LY75: variants seen among roughly 807,000 people sequenced by gnomAD.
The protein encoded by LY75 is lymphocyte antigen 75, also known as C-type lectin domain family 13 member B.
A neutral mutation model predicts 231.7 loss-of-function variants in LY75; 185 were observed. That is an observed-to-expected ratio of 0.80 (90% CI 0.71 to 0.90). The LOEUF (loss-of-function observed/expected upper bound fraction) is 0.90, where lower values mean the gene tolerates loss of function less well. LY75 is among the 40% of genes least tolerant of loss of function. The pLI, the probability that LY75 is intolerant of heterozygous loss-of-function variation, is 0.00. For missense variants in LY75, 1,947 were observed against 2,050.2 expected, an observed-to-expected ratio of 0.95 and a Z score of 0.97; for synonymous variants, 668 against 689.0, an observed-to-expected ratio of 0.97 and a Z score of 0.48.
At chr2:159,885,382 T>G in intron 5 of LY75, 89 bp from the exon 6 acceptor site, 1 of 1,509,084 alleles carries the variant, frequency 6.6e-7, no homozygotes, top group South Asian at 1.4e-5. Flanking sequence ...CCTAATTTTA[T>G]GCTTTTATGG....
chr2:159,881,108 G>C lies in LY75; in HGVS notation c.1379C>G (p.Pro460Arg). 2 of 1,613,748 alleles carry C rather than the reference G, an allele frequency of 1.2e-6. No homozygotes were observed. Among genetic ancestry groups the C allele is most frequent in the South Asian group, 1.1e-5 (1 of 91,064 alleles). The change falls in exon 8 of 35, where the codon CCC becomes CGC. Residue 460 changes from proline to arginine, a missense_variant. Pro to Arg is a moderately radical substitution (Grantham distance 103). Transcript: ENST00000263636. The stretch of plus-strand genomic sequence containing the variant: ...CTCTCCTAAGTAGGAAACACAGTTG[G>C]GCGTCTTATTGTAGGGAACATTTGG... ...NEPNVPYNKT[P>R]NCVSYLGELG... is the part of the protein sequence containing the mutation.
At chr2:159,892,465 T>C (rs1685788302) in intron 3 of LY75, among the ~76,000 whole-genome samples, 1 of 152,182 alleles carries the variant, frequency 6.6e-6, no homozygotes, top group African/African-American at 2.4e-5. Context: ...AAAATGGGGA[T>C]AAAGTATGGT....
intron 5 of LY75, among the ~76,000 whole-genome samples, chr2:159,885,617 A>G (rs1349986214): frequency 1.3e-5 from 2 of 152,206 alleles, no homozygotes; most frequent in African/African-American, 4.8e-5. Context: ...TAAAATAAAA[A>G]TATTAATTTA....
At chr2:159,903,403 T>C (rs1002535068) in intron 1 of LY75, 13 of 152,202 alleles carry the variant, frequency 8.5e-5, no homozygotes, top group African/African-American at 3.1e-4. Flanking sequence ...GAATAAATTA[T>C]CAAGGCAATA....
At chr2:159,848,671 G>C (rs13426394) in intron 23 of LY75, among the ~76,000 whole-genome samples, 7,192 of 152,162 alleles carry the variant, frequency 0.047, 520 homozygotes, top group African/African-American at 0.16. Context: ...CAAGAAAACA[G>C]TGTATGGAAA....
intron 28 of LY75, among the ~76,000 whole-genome samples, 196 bp from the exon 29 acceptor site, chr2:159,820,116 A>G (rs1683243961): frequency 6.6e-6 from 1 of 152,236 alleles, no homozygotes; most frequent in Non-Finnish European, 1.5e-5. Flanking sequence ...GAATATAAAT[A>G]CAAACTATAA....
At chr2:159,838,177 T>C (rs2125845283) in intron 25 of LY75, among the ~76,000 whole-genome samples, 1 of 152,332 alleles carries the variant, frequency 6.6e-6, no homozygotes, top group Non-Finnish European at 1.5e-5. Flanking sequence ...TAAAGTCTTA[T>C]ATTGCCACTA....
chr2:159,879,532 G>T (rs1320204756), intron 8 of LY75, 163 bp from the exon 9 acceptor site: 9 of 505,170 alleles, frequency 1.8e-5, no homozygotes, highest in Non-Finnish European at 2.3e-5. Flanking sequence ...CAACAGGCCT[G>T]CAAAGTGATG....
chr2:159,852,431 T>C, intron 20 of LY75, 91 bp from the exon 21 acceptor site: 1 of 1,521,524 alleles, frequency 6.6e-7, no homozygotes. Flanking sequence ...TGTTTTTTTT[T>C]TTTTGAGACA....
intron 16 of LY75, among the ~76,000 whole-genome samples, chr2:159,855,149 G>A (rs576842160): frequency 9.9e-5 from 15 of 152,254 alleles, no homozygotes; most frequent in African/African-American, 3.1e-4. Flanking sequence ...AGGCAGATAC[G>A]TTAAATATTA....
intron 12 of LY75, among the ~76,000 whole-genome samples, chr2:159,874,234 AAT>A (rs1242761962): frequency 1.0e-3 from 23 of 21,906 alleles, no homozygotes; most frequent in African/African-American, 2.1e-3. Flanking sequence ...ATATATTGTA[AAT>A]ATATATATTG....
At chr2:159,853,737 G>A (rs1207733257) in intron 18 of LY75, 40 bp from the exon 19 acceptor site, 1 of 1,611,600 alleles carries the variant, frequency 6.2e-7, no homozygotes, top group African/African-American at 1.3e-5. Flanking sequence ...TATGTGCTGA[G>A]CTTTCTTGAG....
chr2:159,838,475 C>A (rs1683903575), intron 25 of LY75, among the ~76,000 whole-genome samples: 1 of 152,116 alleles, frequency 6.6e-6, no homozygotes, highest in African/African-American at 2.4e-5. Flanking sequence ...CTTGAAAGAT[C>A]CATACCAAAA....
chr2:159,816,017 T>C (rs1037189988), intron 30 of LY75, among the ~76,000 whole-genome samples: 4 of 152,166 alleles, frequency 2.6e-5, no homozygotes, highest in African/African-American at 9.7e-5. Flanking sequence ...AGTAGGGAGC[T>C]AGAAAAGAGA....
intron 23 of LY75, among the ~76,000 whole-genome samples, chr2:159,845,796 A>C (rs944236572): frequency 7.9e-5 from 12 of 151,664 alleles, no homozygotes; most frequent in African/African-American, 2.2e-4. Context: ...TGTTATATAC[A>C]CACATACACA....
intron 6 of LY75, among the ~76,000 whole-genome samples, chr2:159,883,744 A>G (rs184416467): frequency 5.5e-4 from 83 of 152,178 alleles, no homozygotes; most frequent in African/African-American, 2.0e-3. Context: ...TGTTGTATGG[A>G]CTAAATTTGG....
At chr2:159,890,164 C>T in intron 4 of LY75, 49 bp downstream of exon 4, 1 of 1,577,598 alleles carries the variant, frequency 6.3e-7, no homozygotes, top group Middle Eastern at 1.7e-4. Context: ...AGAAGAAGTA[C>T]CTTTACAATT....
intron 8 of LY75, 128 bp downstream of exon 8, chr2:159,880,955 T>C: frequency 6.8e-6 from 8 of 1,176,470 alleles, no homozygotes; most frequent in Non-Finnish European, 9.3e-6. Flanking sequence ...CGTGGCTCTG[T>C]ACCCTGATCC....
At chr2:159,835,990 C>A (rs530424825) in intron 25 of LY75, among the ~76,000 whole-genome samples, 4 of 152,260 alleles carry the variant, frequency 2.6e-5, no homozygotes, top group Non-Finnish European at 5.9e-5. Context: ...CATTATGCTA[C>A]GCTGCCTCAC....
Sources: gnomAD v4.1 joint callset for allele counts (sites outside exome capture counted in the v4.1 genomes callset) on GRCh38, gnomAD v4.1.1 for gene constraint, MANE v1.5 for transcripts, NCBI Gene and HGNC (gene_info 2026-07-23, HGNC 2026-07-21) for gene names.